ATP6V0A4: variants seen among roughly 807,000 people sequenced by gnomAD.
The protein encoded by ATP6V0A4 is ATPase H+ transporting V0 subunit a4, also known as V-type proton ATPase 116 kDa subunit a 4.
In ATP6V0A4, 86 loss-of-function variants were observed where a neutral mutation model predicts 107.3. The ratio of observed to expected loss-of-function variants is 0.80; its 90% CI spans 0.67 to 0.96. ATP6V0A4 has a LOEUF of 0.96. Among genes scored for constraint, ATP6V0A4 ranks in the 40% least tolerant of loss-of-function variants. The pLI is 0.00. For missense variants in ATP6V0A4, 908 were observed against 1,045.6 expected, an observed-to-expected ratio of 0.87 and a Z score of 1.81; for synonymous variants, 353 against 381.4, an observed-to-expected ratio of 0.93 and a Z score of 0.87.
At chr7:138,738,689 C>T (rs1248283726) in intron 15 of ATP6V0A4, among the ~76,000 whole-genome samples, 2 of 151,996 alleles carry the variant, frequency 1.3e-5, no homozygotes, top group African/African-American at 2.4e-5. Context: ...GGGAGGCGGG[C>T]GATAGCGGAA....
intron 20 of ATP6V0A4, among the ~76,000 whole-genome samples, chr7:138,710,890 C>G (rs1803704887): frequency 6.6e-6 from 1 of 152,108 alleles, no homozygotes; most frequent in Admixed American, 6.6e-5. Context: ...CAGCCACAGA[C>G]TCCAAATTAA....
intron 16 of ATP6V0A4, 120 bp downstream of exon 16, chr7:138,734,016 G>A (rs1012822172): frequency 9.5e-6 from 11 of 1,158,148 alleles, no homozygotes; most frequent in Non-Finnish European, 1.4e-5. Flanking sequence ...GCCCAGGGAA[G>A]TACCCCTCAT....
chr7:138,726,359 T>C (rs900316760), intron 18 of ATP6V0A4, among the ~76,000 whole-genome samples: 117 of 152,190 alleles, frequency 7.7e-4, no homozygotes, highest in African/African-American at 2.7e-3. Context: ...GGGACCTGGG[T>C]TCATAGCAGC....
intron 2 of ATP6V0A4, among the ~76,000 whole-genome samples, chr7:138,776,616 T>C (rs1056034547): frequency 1.4e-4 from 21 of 152,174 alleles, no homozygotes; most frequent in African/African-American, 5.1e-4. Flanking sequence ...AGGTGTTTGC[T>C]TTGTCTCCCA....
intron 10 of ATP6V0A4, 173 bp from the exon 11 acceptor site, chr7:138,753,010 G>C: frequency 4.3e-6 from 3 of 696,202 alleles, no homozygotes; most frequent in Non-Finnish European, 5.3e-6. Context: ...TCCCCCGCTA[G>C]AGGCTAAAAC....
At chr7:138,761,417 G>A (rs1346777869) in intron 7 of ATP6V0A4, among the ~76,000 whole-genome samples, 6 of 152,024 alleles carry the variant, frequency 3.9e-5, no homozygotes, top group East Asian at 2.0e-4. Context: ...GGCGGATCAC[G>A]AGGTCAGGAG....
chr7:138,716,713 AT>A (rs1355364666), intron 19 of ATP6V0A4, among the ~76,000 whole-genome samples: 1 of 152,034 alleles, frequency 6.6e-6, no homozygotes, highest in African/African-American at 2.4e-5. Context: ...ACAGGCATGC[AT>A]CACCATACCT....
At chr7:138,789,278 C>T (rs960536148) in intron 1 of ATP6V0A4, among the ~76,000 whole-genome samples, 1 of 151,646 alleles carries the variant, frequency 6.6e-6, no homozygotes, top group African/African-American at 2.4e-5. Context: ...GACAGAGTCT[C>T]GCTCTGTTGC....
chr7:138,718,410 A>AG (rs1416420049), intron 19 of ATP6V0A4, among the ~76,000 whole-genome samples: 1 of 64,570 alleles, frequency 1.5e-5, no homozygotes, highest in African/African-American at 6.4e-5. Context: ...CCAGGAAGGA[A>AG]GGGGGGGCGT....
chr7:138,747,260 C>G (rs566063188), intron 13 of ATP6V0A4, among the ~76,000 whole-genome samples, 165 bp downstream of exon 13: 110 of 152,266 alleles, frequency 7.2e-4, no homozygotes, highest in African/African-American at 2.5e-3. Context: ...CCAAACCATC[C>G]AAAGGAATTA....
intron 7 of ATP6V0A4, among the ~76,000 whole-genome samples, chr7:138,761,100 A>G (rs1806785909): frequency 6.6e-6 from 1 of 152,132 alleles, no homozygotes; most frequent in Non-Finnish European, 1.5e-5. Flanking sequence ...GGCATAAGCC[A>G]CCACATCTGA....
chr7:138,724,808 A>C lies in ATP6V0A4; in HGVS notation c.2011-2783T>G, dbSNP rs189724126. ...TATTCTTGAATTAGTTAAAATGAAC[A>C]TGAATAATTTTGTAGAAGTGTGATA... is the stretch of plus-strand genomic sequence containing the variant. On this transcript the variant is annotated intron_variant, in intron 18 of 21. Coordinates refer to ENST00000310018, the MANE Select transcript of ATP6V0A4 (RefSeq NM_020632.3). Among the ~76,000 whole-genome samples, 235 of 152,348 alleles carry C rather than the reference A, an allele frequency of 1.5e-3. 1 individual carries two copies. Among genetic ancestry groups the C allele is most frequent in the African/African-American group, 5.4e-3 (224 of 41,588 alleles).
intron 19 of ATP6V0A4, among the ~76,000 whole-genome samples, chr7:138,716,583 G>GC (rs1392973057): frequency 3.0e-4 from 45 of 149,368 alleles, no homozygotes; most frequent in Admixed American, 9.9e-4. Flanking sequence ...TTTGGGGGGG[G>GC]GGGAGGGTCT....
intron 5 of ATP6V0A4, among the ~76,000 whole-genome samples, chr7:138,767,486 G>A (rs1323594507): frequency 6.6e-6 from 1 of 152,120 alleles, no homozygotes; most frequent in East Asian, 1.9e-4. Flanking sequence ...TCACACCACT[G>A]CACTCCAGCC....
rs1806283386 is a variant in ATP6V0A4 at position 138,752,478 on chromosome 7, G to T, written c.1029+147C>A. On this transcript the variant is annotated intron_variant, in intron 11 of 21. Coordinates refer to ENST00000310018, the MANE Select transcript of ATP6V0A4 (RefSeq NM_020632.3). ...GGAATTTCTTTTATGTCCTCGAGTGGGGTTGATAACTGAAGACACAAAGAT... is the reference window on the plus strand; with the variant it reads ...GGAATTTCTTTTATGTCCTCGAGTGTGGTTGATAACTGAAGACACAAAGAT... 5 of 988,524 alleles carry T rather than the reference G, an allele frequency of 5.1e-6. No individual in the cohort carries two copies. In the Admixed American group the frequency reaches 6.2e-5, roughly 12 times the overall value. The allele number at this position is 988,524 out of a possible 1,614,324, so 61.2% of individuals were successfully genotyped here. A position where few individuals can be genotyped will look rare whatever the true frequency, so the allele number is the denominator to read the frequency against.
intron 19 of ATP6V0A4, among the ~76,000 whole-genome samples, chr7:138,718,686 G>GCGACGTCCAGGAAGGAATGGGGCGGGT (rs1391724520): frequency 2.5e-5 from 1 of 40,810 alleles, no homozygotes; most frequent in Non-Finnish European, 4.9e-5. Context: ...CGGGGGGGGG[G>GCGACGTCCAGGAAGGAATGGGGCGGGT]GGTGCAGTCA....
At chr7:138,712,086 C>A (rs1051778969) in intron 20 of ATP6V0A4, among the ~76,000 whole-genome samples, 3 of 152,184 alleles carry the variant, frequency 2.0e-5, no homozygotes, top group Admixed American at 1.3e-4. Flanking sequence ...GCGTGTGCCA[C>A]CACACCCAGC....
At chr7:138,768,077 G>A (rs1807182737) in intron 5 of ATP6V0A4, among the ~76,000 whole-genome samples, 1 of 152,090 alleles carries the variant, frequency 6.6e-6, no homozygotes, top group African/African-American at 2.4e-5. Flanking sequence ...GGGATTACAG[G>A]CACCTACCAC....
At chr7:138,788,637 C>T (rs1223468536) in intron 1 of ATP6V0A4, among the ~76,000 whole-genome samples, 1 of 152,140 alleles carries the variant, frequency 6.6e-6, no homozygotes, top group Admixed American at 6.5e-5. Context: ...TTGGCTGTGT[C>T]CCCACCCAAA....
Sources: gnomAD v4.1 joint callset for allele counts (sites outside exome capture counted in the v4.1 genomes callset) on GRCh38, gnomAD v4.1.1 for gene constraint, MANE v1.5 for transcripts, NCBI Gene and HGNC (gene_info 2026-07-23, HGNC 2026-07-21) for gene names.